The following PPP2R2B variants were observed in gnomAD, a reference collection of about 807,000 sequenced individuals.
PPP2R2B encodes the protein protein phosphatase 2 regulatory subunit Bbeta.
PPP2R2B carries 5 observed loss-of-function variants against 46.0 expected under a neutral mutation model. The ratio of observed to expected loss-of-function variants is 0.11; its 90% confidence interval spans 0.06 to 0.23. PPP2R2B has a LOEUF of 0.23. Ranked by LOEUF, PPP2R2B falls within the 10% of genes least tolerant of loss-of-function variation. PPP2R2B has a pLI of 1.00. For synonymous variants in PPP2R2B, 215 were observed against 206.7 expected (o/e 1.04, Z -0.34); for missense variants, 367 against 575.0 (o/e 0.64, Z 3.70).
At chr5:146,817,431 A>T (rs1224419295) in intron 2 of PPP2R2B, among the ~76,000 whole-genome samples, 2 of 152,154 alleles carry the variant, frequency 1.3e-5, no homozygotes, top group African/African-American at 4.8e-5. Context: ...TATGCAAATA[A>T]ATTTGCATAT....
chr5:146,934,009 A>G (rs13174342), intron 1 of PPP2R2B, among the ~76,000 whole-genome samples: 33,030 of 151,778 alleles, frequency 0.22, 3,849 homozygotes, highest in East Asian at 0.39. Context: ...AAGGACATGA[A>G]CTCATCGTTT....
chr5:146,935,110 C>A (rs1426976485), intron 1 of PPP2R2B, among the ~76,000 whole-genome samples: 3 of 152,208 alleles, frequency 2.0e-5, no homozygotes, highest in African/African-American at 7.2e-5. Flanking sequence ...TACTTAAAAT[C>A]TATCTGTGCC....
intron 4 of PPP2R2B, among the ~76,000 whole-genome samples, chr5:146,693,998 T>G (rs146740232): frequency 1.3e-5 from 2 of 152,282 alleles, no homozygotes; most frequent in East Asian, 3.9e-4. Context: ...CACCTGACTT[T>G]TTGCCACCAC....
chr5:147,001,691 G>A (rs189833597), intron 1 of PPP2R2B, among the ~76,000 whole-genome samples: 54 of 152,222 alleles, frequency 3.5e-4, no homozygotes, highest in Admixed American at 8.5e-4. Context: ...GACCCCTTTC[G>A]TTTGCTATTC....
rs998535287 is a variant in PPP2R2B, at chr5:146,896,013, T to C, written c.79+159652A>G. The stretch of plus-strand genomic sequence containing the variant: ...CTGTTTGACAATTCATCGGGCTAAA[T>C]AATATTGTCTGAGTGGTCGCCTGGC... On this transcript the variant is annotated intron_variant, in intron 1 of 8. Transcript: ENST00000336640. Among the ~76,000 whole-genome samples, 5 of 152,244 alleles carry C rather than the reference T, an allele frequency of 3.3e-5. No homozygotes were observed. In the East Asian group the frequency reaches 9.7e-4, roughly 29 times the overall value.
chr5:146,965,716 C>T (rs1415984083), intron 1 of PPP2R2B, among the ~76,000 whole-genome samples: 1 of 152,132 alleles, frequency 6.6e-6, no homozygotes, highest in East Asian at 1.9e-4. Flanking sequence ...AAATATAATG[C>T]CCTAATATCA....
intron 2 of PPP2R2B, among the ~76,000 whole-genome samples, chr5:146,824,466 T>C (rs945149160): frequency 6.6e-6 from 1 of 152,180 alleles, no homozygotes; most frequent in South Asian, 2.1e-4. Context: ...CTTCAATAGC[T>C]ATAGAATTAG....
chr5:147,017,283 A>G (rs1230549684), intron 1 of PPP2R2B, among the ~76,000 whole-genome samples: 1 of 151,616 alleles, frequency 6.6e-6, no homozygotes, highest in Non-Finnish European at 1.5e-5. Flanking sequence ...TTGTGCAGAC[A>G]GTGATGCTAA....
At chr5:146,809,039 G>A (rs545610408) in intron 2 of PPP2R2B, among the ~76,000 whole-genome samples, 21 of 151,880 alleles carry the variant, frequency 1.4e-4, no homozygotes, top group Admixed American at 1.2e-3. Flanking sequence ...TTGGGTCCTG[G>A]AGTTTCCAAC....
chr5:146,672,900 T>A (rs1008924806), intron 5 of PPP2R2B, among the ~76,000 whole-genome samples: 2 of 152,214 alleles, frequency 1.3e-5, no homozygotes, highest in Non-Finnish European at 2.9e-5. Context: ...TGTCTTGAAA[T>A]ATAGAAAATG....
chr5:146,937,088 G>C (rs1419284160), intron 1 of PPP2R2B, among the ~76,000 whole-genome samples: 1 of 152,134 alleles, frequency 6.6e-6, no homozygotes, highest in African/African-American at 2.4e-5. Flanking sequence ...GATGACCTGA[G>C]GTCGGCAGTT....
In PPP2R2B at chr5:146,638,273, G is replaced by A. The variant is rs527428138; in HGVS notation, c.768C>T (p.Ala256=). ...CACATTTGGTGTGCCTGTCACACAG[G>A]GCAGATGCCCGCATGTCACACAGCC... The part of the protein sequence containing the change: ...TIRLCDMRAS[A]LCDRHTKFFE... The change falls in exon 7 of 10, where the codon GCC becomes GCT. Residue 256 remains alanine, a synonymous_variant. Coordinates refer to ENST00000394411, the MANE Select transcript of PPP2R2B (RefSeq NM_181675.4). 5.0e-6 allele frequency: 8 copies of A among 1,613,792 alleles called. No homozygotes were observed. The African/African-American group carries it at 8.0e-5, about 16-fold the overall frequency.
chr5:147,018,014 T>C (rs1163944015), intron 1 of PPP2R2B, among the ~76,000 whole-genome samples: 3 of 149,668 alleles, frequency 2.0e-5, no homozygotes, highest in Non-Finnish European at 4.4e-5. Context: ...AGATGAATTA[T>C]AGTCTACGAC....
At chr5:147,058,934 AT>A (rs1257492165), upstream of PPP2R2B, among the ~76,000 whole-genome samples, 1 of 152,196 alleles carries the variant, frequency 6.6e-6, no homozygotes, top group African/African-American at 2.4e-5. Flanking sequence ...CCTCAAGCCA[AT>A]GGATCCAGAT....
chr5:146,615,515 TAAAAA>T (rs1364774106), intron 7 of PPP2R2B, among the ~76,000 whole-genome samples: 1 of 71,034 alleles, frequency 1.4e-5, no homozygotes, highest in Non-Finnish European at 3.2e-5. Context: ...AAAAAAAAAT[TAAAAA>T]AAAAAAAAAA....
intron 2 of PPP2R2B, among the ~76,000 whole-genome samples, chr5:146,734,552 A>T (rs1185312746): frequency 6.6e-6 from 1 of 152,136 alleles, no homozygotes; most frequent in Non-Finnish European, 1.5e-5. Flanking sequence ...TTCAAAGCTC[A>T]TGTTCTGAAC....
chr5:146,840,745 A>C (rs1251070313), intron 2 of PPP2R2B, among the ~76,000 whole-genome samples: 1 of 152,236 alleles, frequency 6.6e-6, no homozygotes, highest in Non-Finnish European at 1.5e-5. Flanking sequence ...CAAGTATAGT[A>C]TATGTAGCAT....
At chr5:146,943,671 C>A (rs778971833) in intron 1 of PPP2R2B, among the ~76,000 whole-genome samples, 88 of 151,690 alleles carry the variant, frequency 5.8e-4, no homozygotes, top group Non-Finnish European at 1.1e-3. Context: ...TAGAGAGGCA[C>A]TCATTTTTTT....
chr5:147,074,351 A>G (rs1024115131), intron 2 of PPP2R2B, among the ~76,000 whole-genome samples: 1 of 152,234 alleles, frequency 6.6e-6, no homozygotes, highest in African/African-American at 2.4e-5. Context: ...TCTGCCTGAA[A>G]TGGGAATTCT....
Sources: allele counts gnomAD v4.1 joint callset (sites outside exome capture counted in the v4.1 genomes callset), GRCh38; gene constraint gnomAD v4.1.1; transcripts MANE v1.5; gene names NCBI Gene and HGNC (gene_info 2026-07-23, HGNC 2026-07-21).